KCTD1: variants seen among roughly 807,000 people sequenced by gnomAD.
KCTD1 encodes the protein BTB/POZ domain-containing protein KCTD1.
KCTD1 carries 24 observed loss-of-function variants against 66.0 expected under a neutral mutation model. The observed-to-expected ratio is 0.36, with a 90% CI of 0.26 to 0.51. The LOEUF (loss-of-function observed/expected upper bound fraction) is 0.51, where lower values mean the gene tolerates loss of function less well. Ranked by LOEUF, KCTD1 falls within the 20% of genes least tolerant of loss-of-function variation. KCTD1 has a pLI of 0.95. For synonymous variants in KCTD1, 511 were observed against 517.2 expected, an observed-to-expected ratio of 0.99 and a Z score of 0.16; for missense variants, 943 against 1,205.2, an observed-to-expected ratio of 0.78 and a Z score of 3.22.
chr18:26,531,442 A>G (rs535231396), intron 1 of KCTD1, among the ~76,000 whole-genome samples: 10 of 152,238 alleles, frequency 6.6e-5, no homozygotes, highest in Non-Finnish European at 1.3e-4. Flanking sequence ...ATATTGTAAA[A>G]AAGAAGTATA....
At position 26,548,021 on chromosome 18, in the gene KCTD1, G is replaced by A. The variant is rs1247492102; in HGVS notation, c.516C>T (p.Thr172=). Residue 172 remains threonine (T), a synonymous_variant, in exon 1 of 5, where the codon ACC becomes ACT. Coordinates refer to ENST00000580059, the MANE Select transcript of KCTD1 (RefSeq NM_001142730.3). The part of the protein sequence containing the change: ...RPERARLSEN[T]RLATRYAVRI... ...GCACGGCGTAGCGGGTGGCCAGCCG[G>A]GTGTTCTCGCTCAGCCGGGCCCGCT... 2.0e-6 allele frequency: 3 copies of A among 1,526,464 alleles called. No individual in the cohort carries two copies. Among genetic ancestry groups the A allele is most frequent in the African/African-American group, 1.4e-5 (1 of 72,816 alleles). The allele number at this position is 1,526,464 out of a possible 1,614,324, so 94.6% of individuals were successfully genotyped here.
chr18:26,471,480 A>G (rs936504297), intron 3 of KCTD1, among the ~76,000 whole-genome samples: 4 of 152,096 alleles, frequency 2.6e-5, no homozygotes, highest in African/African-American at 9.7e-5. Context: ...TTTCAGGAAC[A>G]AGAGAAAGTC....
At chr18:26,598,514 G>A (rs1986820434) in intron 1 of KCTD1, among the ~76,000 whole-genome samples, 1 of 148,894 alleles carries the variant, frequency 6.7e-6, no homozygotes, top group Admixed American at 6.7e-5. Context: ...GATTTTCTAG[G>A]AGTACAAATG....
At chr18:26,580,658 G>A (rs958636882) in intron 1 of KCTD1, among the ~76,000 whole-genome samples, 1 of 152,138 alleles carries the variant, frequency 6.6e-6, no homozygotes, top group Non-Finnish European at 1.5e-5. Flanking sequence ...GAGGGAGTGT[G>A]GCAAAATGGC....
At chr18:26,564,971 A>C (rs188050769) in intron 1 of KCTD1, among the ~76,000 whole-genome samples, 110 of 152,324 alleles carry the variant, frequency 7.2e-4, no homozygotes, top group African/African-American at 2.5e-3. Flanking sequence ...AACACCACAA[A>C]GCATCAAAAG....
chr18:26,538,466 G>GT (rs1984815122), intron 1 of KCTD1, among the ~76,000 whole-genome samples: 1 of 151,974 alleles, frequency 6.6e-6, no homozygotes, highest in Non-Finnish European at 1.5e-5. Context: ...CTGAGATTTC[G>GT]TATCTCCCAG....
chr18:26,535,500 TAGCTTTC>T (rs145315830), intron 1 of KCTD1, among the ~76,000 whole-genome samples: 9,041 of 151,888 alleles, frequency 0.06, 302 homozygotes, highest in Middle Eastern at 0.11. Flanking sequence ...CCTAAGACTG[TAGCTTTC>T]AGCCACTGAT....
At chr18:26,535,114 T>TGGGGGGGGGG (rs1984633313) in intron 1 of KCTD1, among the ~76,000 whole-genome samples, 17 of 110,780 alleles carry the variant, frequency 1.5e-4, no homozygotes, top group South Asian at 3.3e-4. Flanking sequence ...GGTTGGGGGG[T>TGGGGGGGGGG]GGGGGTGGAG....
At chr18:26,539,710 A>G (rs1323467182) in intron 1 of KCTD1, among the ~76,000 whole-genome samples, 1 of 152,210 alleles carries the variant, frequency 6.6e-6, no homozygotes, top group Non-Finnish European at 1.5e-5. Flanking sequence ...TCACTGACCC[A>G]TAACAGCCAG....
chr18:26,593,390 AGAG>A (rs139955637), intron 1 of KCTD1, among the ~76,000 whole-genome samples: 28,166 of 91,634 alleles, frequency 0.31, 3,275 homozygotes, highest in East Asian at 0.5. Context: ...AGGAGGAAGA[AGAG>A]GAGGAGGAAG....
chr18:26,464,176 G>A (rs967406564), intron 3 of KCTD1, among the ~76,000 whole-genome samples: 9 of 152,200 alleles, frequency 5.9e-5, no homozygotes, highest in Non-Finnish European at 8.8e-5. Context: ...GTCAGAAGTC[G>A]GAAATGGATC....
upstream of KCTD1, among the ~76,000 whole-genome samples, chr18:26,550,894 C>T (rs1985539506): frequency 6.6e-6 from 1 of 152,218 alleles, no homozygotes; most frequent in South Asian, 2.1e-4. The surrounding 1 kb of genome is among the most constrained non-coding windows in gnomAD (Gnocchi z 5.4). Context: ...GTGCGGAGAA[C>T]TCAGGTGGGT....
At chr18:26,618,494 C>T (rs1987304985) in intron 1 of KCTD1, among the ~76,000 whole-genome samples, 1 of 152,198 alleles carries the variant, frequency 6.6e-6, no homozygotes, top group Non-Finnish European at 1.5e-5. Flanking sequence ...AAAACACATT[C>T]TCAGAATAAA....
intron 4 of KCTD1, chr18:26,457,113 A>AGTAT (rs1166624877): frequency 6.6e-6 from 1 of 151,472 alleles, no homozygotes; most frequent in Admixed American, 6.6e-5. Flanking sequence ...AAAGCAAGAG[A>AGTAT]GTATGTTTTC....
intron 2 of KCTD1, among the ~76,000 whole-genome samples, chr18:26,477,526 T>G (rs1981411577): frequency 6.6e-6 from 1 of 152,228 alleles, no homozygotes; most frequent in Non-Finnish European, 1.5e-5. Context: ...GCTAATGACA[T>G]GCAAGCATTC....
chr18:26,556,653 G>C (rs200667773), intron 1 of KCTD1, among the ~76,000 whole-genome samples: 2 of 152,142 alleles, frequency 1.3e-5, no homozygotes, highest in Non-Finnish European at 2.9e-5. Flanking sequence ...CTTGCTGTGG[G>C]CCTAGGTTTT....
chr18:26,520,679 C>A (rs903528376), intron 1 of KCTD1, among the ~76,000 whole-genome samples: 4 of 152,188 alleles, frequency 2.6e-5, no homozygotes, highest in Non-Finnish European at 5.9e-5. Context: ...TGTCAGCTGA[C>A]CCCACATTTT....
chr18:26,604,173 A>G (rs1297445883), intron 1 of KCTD1, among the ~76,000 whole-genome samples: 8 of 152,226 alleles, frequency 5.3e-5, no homozygotes, highest in African/African-American at 1.9e-4. Context: ...GCTCCATACC[A>G]CTGATCATTA....
chr18:26,488,413 T>C (rs1982024483), intron 2 of KCTD1, among the ~76,000 whole-genome samples: 1 of 152,206 alleles, frequency 6.6e-6, no homozygotes, highest in Non-Finnish European at 1.5e-5. Context: ...ATTGACTGTT[T>C]GTGTTGCTTT....
Sources: gnomAD v4.1 joint callset for allele counts (sites outside exome capture counted in the v4.1 genomes callset) on GRCh38, gnomAD v4.1.1 for gene constraint, Gnocchi (gnomAD v3.1) non-coding constraint, MANE v1.5 for transcripts, NCBI Gene and HGNC (gene_info 2026-07-23, HGNC 2026-07-21) for gene names.